Variants in FSTL5 observed in about 807,000 individuals in gnomAD.
The protein encoded by FSTL5 is follistatin-related protein 5.
Under a neutral mutation model 89.1 loss-of-function variants are expected in FSTL5, and 62 were observed. The ratio of observed to expected loss-of-function variants is 0.70; its 90% CI spans 0.57 to 0.86. The LOEUF is 0.86. FSTL5 is among the 40% of genes least tolerant of loss of function. The probability of loss-of-function intolerance (pLI) is 0.00; values close to 1 mark genes in which losing one functional copy is unlikely to be tolerated. For missense variants in FSTL5, 1,057 were observed against 1,001.6 expected (o/e 1.06, Z -0.75); for synonymous variants, 383 against 346.2 (o/e 1.11, Z -1.18).
At chr4:161,555,968 G>T (rs1449624342) in intron 8 of FSTL5, among the ~76,000 whole-genome samples, 1 of 151,550 alleles carries the variant, frequency 6.6e-6, no homozygotes, top group African/African-American at 2.4e-5. Flanking sequence ...CAACACGCAA[G>T]AAAACTATAA....
At chr4:161,425,814 T>C (rs1381699783) in intron 15 of FSTL5, among the ~76,000 whole-genome samples, 1 of 152,228 alleles carries the variant, frequency 6.6e-6, no homozygotes, top group Non-Finnish European at 1.5e-5. Context: ...AGCTCACTTA[T>C]TGAAGAGCTT....
intron 2 of FSTL5, among the ~76,000 whole-genome samples, chr4:162,063,738 T>A (rs1273683944): frequency 6.6e-6 from 1 of 151,914 alleles, no homozygotes; most frequent in Non-Finnish European, 1.5e-5. Context: ...AAACTCCTTA[T>A]TTTGATTGAT....
At chr4:161,519,227 C>A (rs1414197684) in intron 10 of FSTL5, among the ~76,000 whole-genome samples, 2 of 152,094 alleles carry the variant, frequency 1.3e-5, no homozygotes, top group Non-Finnish European at 2.9e-5. Context: ...ACTAGTTAAT[C>A]TTGGACACCA....
At chr4:162,050,394 T>C (rs1738340955) in intron 2 of FSTL5, among the ~76,000 whole-genome samples, 1 of 151,218 alleles carries the variant, frequency 6.6e-6, no homozygotes, top group Non-Finnish European at 1.5e-5. Flanking sequence ...CATTTATATG[T>C]CATTTTATAA....
chr4:162,123,453 G>A (rs1006129991), intron 1 of FSTL5, among the ~76,000 whole-genome samples: 1 of 152,092 alleles, frequency 6.6e-6, no homozygotes, highest in African/African-American at 2.4e-5. Flanking sequence ...AAAGAGGGAA[G>A]ATAGGTTAAT....
chr4:161,400,674 TAG>T (rs1306136776), intron 15 of FSTL5, among the ~76,000 whole-genome samples: 2 of 152,116 alleles, frequency 1.3e-5, no homozygotes, highest in African/African-American at 4.8e-5. Flanking sequence ...ATATTACATA[TAG>T]AAACATTGAC....
chr4:161,938,433 T>C (rs1201321550), intron 3 of FSTL5, among the ~76,000 whole-genome samples: 2 of 152,106 alleles, frequency 1.3e-5, no homozygotes, highest in Non-Finnish European at 2.9e-5. Flanking sequence ...AAAAGTTATA[T>C]ATAAACATAT....
intron 1 of FSTL5, among the ~76,000 whole-genome samples, chr4:162,144,933 T>A (rs2111493524): frequency 8.3e-6 from 1 of 119,908 alleles, no homozygotes; most frequent in South Asian, 2.5e-4. Flanking sequence ...CCCTAAATTT[T>A]AAAAAATAAG....
chr4:161,698,511 T>C (rs945195405), intron 6 of FSTL5, among the ~76,000 whole-genome samples: 1 of 152,186 alleles, frequency 6.6e-6, no homozygotes, highest in Non-Finnish European at 1.5e-5. Flanking sequence ...AGTGAGTTGA[T>C]GTGACGGGGC....
intron 3 of FSTL5, among the ~76,000 whole-genome samples, chr4:161,949,486 C>A: frequency 6.6e-6 from 1 of 151,880 alleles, no homozygotes; most frequent in East Asian, 1.9e-4. Flanking sequence ...GTTTTCTGAA[C>A]TTCTTGATTC....
intron 7 of FSTL5, among the ~76,000 whole-genome samples, chr4:161,634,781 C>A (rs971330661): frequency 2.0e-5 from 3 of 152,112 alleles, no homozygotes; most frequent in Admixed American, 6.5e-5. Flanking sequence ...TACGAAGTTT[C>A]TATTATGCAG....
Position 161,683,912 on chromosome 4 carries a change from CCT to C in FSTL5, c.728-27420_728-27419del, listed in dbSNP as rs1183209149. ...CCTCACCTCCTTCCCAGTCTTTCCCCCTGAGTCCCTAAAGTCCATTGTGTCAT... is the reference window on the plus strand; with the variant it reads ...CCTCACCTCCTTCCCAGTCTTTCCCCGAGTCCCTAAAGTCCATTGTGTCAT... On this transcript the variant is annotated intron_variant, in intron 6 of 15. Transcript: ENST00000306100. Among the ~76,000 whole-genome samples the C allele has an allele frequency of 3.9e-5, 6 of 152,280 alleles. No individual in the cohort carries two copies. In the East Asian group the frequency reaches 5.8e-4, roughly 15 times the overall value.
intron 6 of FSTL5, among the ~76,000 whole-genome samples, chr4:161,730,356 A>C (rs11725483): frequency 6.6e-6 from 1 of 152,160 alleles, no homozygotes; most frequent in Non-Finnish European, 1.5e-5. Context: ...CCCATTTACA[A>C]CAAATATGAA....
intron 6 of FSTL5, among the ~76,000 whole-genome samples, chr4:161,678,430 C>T (rs1441608723): frequency 1.3e-5 from 2 of 151,914 alleles, no homozygotes; most frequent in Non-Finnish European, 3.0e-5. Context: ...TACATTCTTT[C>T]AAGTTTTGTT....
At chr4:162,112,542 G>A (rs1406768147) in intron 1 of FSTL5, among the ~76,000 whole-genome samples, 1 of 152,046 alleles carries the variant, frequency 6.6e-6, no homozygotes, top group Admixed American at 6.6e-5. Flanking sequence ...CACTGAGTCT[G>A]GTTCTTGACT....
At chr4:161,876,240 C>A (rs955719159) in intron 4 of FSTL5, among the ~76,000 whole-genome samples, 1 of 152,058 alleles carries the variant, frequency 6.6e-6, no homozygotes, top group Admixed American at 6.5e-5. Context: ...TTTTAGGAAA[C>A]CTTTATCACT....
At chr4:161,611,220 G>A in intron 7 of FSTL5, among the ~76,000 whole-genome samples, 1 of 122,340 alleles carries the variant, frequency 8.2e-6, no homozygotes, top group Non-Finnish European at 1.6e-5. Flanking sequence ...GTATATGTGT[G>A]TATGTGTATA....
At chr4:161,524,744 G>C (rs1006723531) in intron 10 of FSTL5, among the ~76,000 whole-genome samples, 2 of 152,094 alleles carry the variant, frequency 1.3e-5, no homozygotes, top group Non-Finnish European at 2.9e-5. Flanking sequence ...CGGATCACGA[G>C]GTCAGGAGAT....
intron 7 of FSTL5, among the ~76,000 whole-genome samples, chr4:161,616,248 G>T (rs550964938): frequency 6.6e-6 from 1 of 151,932 alleles, no homozygotes; most frequent in South Asian, 2.1e-4. Context: ...CACCATGCCC[G>T]CTAATCTTTT....
Sources: gnomAD v4.1 joint callset for allele counts (sites outside exome capture counted in the v4.1 genomes callset) on GRCh38, gnomAD v4.1.1 for gene constraint, MANE v1.5 for transcripts, NCBI Gene and HGNC (gene_info 2026-07-23, HGNC 2026-07-21) for gene names.